Variants in RRP15 observed in about 807,000 individuals in gnomAD.
RRP15 encodes ribosomal RNA processing 15 homolog, also known as RRP15-like protein.
RRP15 carries 18 observed loss-of-function variants against 27.1 expected under a neutral mutation model. That is an observed-to-expected ratio of 0.66 (90% CI 0.46 to 0.98). The LOEUF is 0.98. Ranked by LOEUF, RRP15 falls within the 50% of genes least tolerant of loss-of-function variation. The pLI, the probability that RRP15 is intolerant of heterozygous loss-of-function variation, is 0.00. For synonymous variants in RRP15, 107 were observed against 109.4 expected (o/e 0.98, Z 0.14); for missense variants, 359 against 337.8 (o/e 1.06, Z -0.49).
intron 4 of RRP15, among the ~76,000 whole-genome samples, chr1:218,327,698 C>G (rs1321762991): frequency 6.6e-6 from 1 of 152,106 alleles, no homozygotes; most frequent in African/African-American, 2.4e-5. Context: ...TATAAATTTT[C>G]TATTGTGTCT....
At chr1:218,317,588 T>G (rs980264867) in intron 4 of RRP15, among the ~76,000 whole-genome samples, 4 of 152,166 alleles carry the variant, frequency 2.6e-5, no homozygotes, top group Non-Finnish European at 5.9e-5. Context: ...ACTTAGAAAA[T>G]TATTTATAAA....
At chr1:218,320,733 G>A (rs577535450) in intron 4 of RRP15, among the ~76,000 whole-genome samples, 5 of 150,994 alleles carry the variant, frequency 3.3e-5, no homozygotes, top group Non-Finnish European at 7.4e-5. Flanking sequence ...CTCAGGGGCC[G>A]TAAATGAAAT....
intron 3 of RRP15, among the ~76,000 whole-genome samples, chr1:218,306,839 A>G (rs2102501227): frequency 6.6e-6 from 1 of 152,320 alleles, no homozygotes; most frequent in Non-Finnish European, 1.5e-5. Context: ...ATGATATTTA[A>G]GGATTCTATT....
rs528057023 is a variant in RRP15, at chr1:218,311,066, T to A, written c.705+3434T>A. ...GCCCAGCCGAACAAGTCATTTTTCTTAGAGTCTTTTCTGCATTAGAATTTT... is the reference window on the plus strand; with the variant it reads ...GCCCAGCCGAACAAGTCATTTTTCTAAGAGTCTTTTCTGCATTAGAATTTT... On this transcript the variant is annotated intron_variant, in intron 4 of 4. Transcript: ENST00000366932. Among the ~76,000 whole-genome samples the A allele has an allele frequency of 3.5e-3, 535 of 152,270 alleles. 4 individuals carry two copies. The highest frequency in any genetic ancestry group is 6.0e-3 in the Non-Finnish European group (406 of 68,014).
intron 1 of RRP15, among the ~76,000 whole-genome samples, chr1:218,291,284 AT>A (rs1057362877): frequency 3.3e-5 from 5 of 151,892 alleles, no homozygotes; most frequent in African/African-American, 9.7e-5. Flanking sequence ...CAAAAAAAAA[AT>A]ATACAAAAAA....
chr1:218,308,535 A>G (rs1181662917), intron 4 of RRP15, among the ~76,000 whole-genome samples: 2 of 152,204 alleles, frequency 1.3e-5, no homozygotes, highest in African/African-American at 4.8e-5. Context: ...ATCAGTCAGG[A>G]AATGAGAATT....
intron 4 of RRP15, among the ~76,000 whole-genome samples, chr1:218,308,062 C>CTTTTTTTTTTTTTTTTTTTTT (rs56813511): frequency 3.0e-5 from 2 of 66,928 alleles, no homozygotes; most frequent in Non-Finnish European, 5.7e-5. Context: ...TTCTTTCTTT[C>CTTTTTTTTTTTTTTTTTTTTT]TTTTTTTTTT....
intron 4 of RRP15, among the ~76,000 whole-genome samples, chr1:218,327,238 T>C (rs1048397496): frequency 6.6e-5 from 10 of 152,234 alleles, no homozygotes; most frequent in African/African-American, 2.4e-4. Context: ...CTGCCTTTTT[T>C]CTTTCTACGT....
rs139737216 is a variant in RRP15 at position 218,305,888 on chromosome 1, G to A, written c.503+763G>A. Among the ~76,000 whole-genome samples the A allele has an allele frequency of 5.9e-5, 9 of 152,282 alleles. No homozygotes were observed. The East Asian group carries it at 7.7e-4, about 13-fold the overall frequency. On this transcript the variant is annotated intron_variant, in intron 3 of 4. Transcript: ENST00000366932. ...ATAGAGCCAGTGCTCGGTTCAAATCGTAGTACTGGCTCTTACTAGCAGTGT... is the reference window on the plus strand; with the variant it reads ...ATAGAGCCAGTGCTCGGTTCAAATCATAGTACTGGCTCTTACTAGCAGTGT...
At chr1:218,318,827 T>G (rs1656131444) in intron 4 of RRP15, among the ~76,000 whole-genome samples, 1 of 151,730 alleles carries the variant, frequency 6.6e-6, no homozygotes, top group Admixed American at 6.6e-5. Context: ...CAGGAGCAAG[T>G]GTACCTGTCT....
intron 1 of RRP15, among the ~76,000 whole-genome samples, chr1:218,291,693 G>A (rs937361301): frequency 9.9e-5 from 15 of 151,714 alleles, no homozygotes; most frequent in East Asian, 9.9e-4. Flanking sequence ...CACCACGCCC[G>A]GCTAATTTTT....
intron 4 of RRP15, among the ~76,000 whole-genome samples, chr1:218,314,395 A>G (rs1472415509): frequency 6.6e-6 from 1 of 152,040 alleles, no homozygotes; most frequent in Non-Finnish European, 1.5e-5. Flanking sequence ...CAAAGTTGTA[A>G]TTATTCCTTT....
rs1388515598 is a variant in RRP15, at chr1:218,308,232, C to T, written c.705+600C>T. 4.0e-5 allele frequency among the ~76,000 whole-genome samples: 6 copies of T among 151,422 alleles called. No individual in the cohort carries two copies. In the South Asian group the frequency reaches 8.4e-4, roughly 21 times the overall value. ...GTTTACAGGCACATGCCATCACCTC[C>T]GGCTAATTTTTGTATTTTTAGTAGA... On this transcript the variant is annotated intron_variant, in intron 4 of 4. Transcript: ENST00000366932.
At chr1:218,289,523 T>C (rs968557252) in intron 1 of RRP15, among the ~76,000 whole-genome samples, 21 of 152,370 alleles carry the variant, frequency 1.4e-4, no homozygotes, top group African/African-American at 5.0e-4. Flanking sequence ...ACATTTTCTT[T>C]GCCAAAGCTG....
chr1:218,310,324 G>A (rs544907218), intron 4 of RRP15, among the ~76,000 whole-genome samples: 60 of 151,748 alleles, frequency 4.0e-4, no homozygotes, highest in African/African-American at 1.5e-3. Context: ...AAAATTGGAG[G>A]CCACCCACAT....
chr1:218,334,267 T>A lies in RRP15; in HGVS notation c.*3176T>A, dbSNP rs1223451432. Reference sequence around the variant, plus strand: ...TATTCAATTGATTGCAAAATATACCTTGGAAACCCTTTGGATAGAACAGTT... The same window carrying A: ...TATTCAATTGATTGCAAAATATACCATGGAAACCCTTTGGATAGAACAGTT... On this transcript the variant is annotated 3_prime_UTR_variant, in exon 5 of 5. Transcript: ENST00000366932. 2.6e-5 allele frequency: 4 copies of A among 152,186 alleles called. No homozygotes were observed. Among genetic ancestry groups the A allele is most frequent in the African/African-American group, 9.7e-5 (4 of 41,450 alleles). 9.4% of individuals were successfully genotyped at this position (152,186 alleles called of 1,614,324 possible).
chr1:218,325,695 C>T (rs1317413910), intron 4 of RRP15, among the ~76,000 whole-genome samples: 5 of 152,060 alleles, frequency 3.3e-5, no homozygotes, highest in Admixed American at 3.3e-4. Context: ...CTCATTGTGT[C>T]CTGGACACTC....
rs115773938 is a variant in RRP15, at chr1:218,329,467, C to T, written c.706-1481C>T. On this transcript the variant is annotated intron_variant, in intron 4 of 4. Transcript: ENST00000366932. The stretch of plus-strand genomic sequence containing the variant: ...TAACAATCTAATAGAAGTAGAATTT[C>T]AGTTTTAAGAGTAGGTTTGATATTG... Among the ~76,000 whole-genome samples the T allele has an allele frequency of 4.9e-3, 743 of 151,952 alleles. 5 individuals are homozygous for T. Among genetic ancestry groups the T allele is most frequent in the African/African-American group, 0.016 (673 of 41,446 alleles).
rs1234402964 is a variant in RRP15, at chr1:218,333,001, CATG to C, written c.*1913_*1915del. 6.6e-6 allele frequency: 1 copy of C among 152,010 alleles called. No homozygotes were observed. The highest frequency in any genetic ancestry group is 2.4e-5 in the African/African-American group (1 of 41,412). 9.4% of individuals were successfully genotyped at this position (152,010 alleles called of 1,614,324 possible). On this transcript the variant is annotated 3_prime_UTR_variant, in exon 5 of 5. Transcript: ENST00000366932. ...GGAATTTTTCTGAATAGTACATTCA[CATG>C]ATAGATACGGATAAATACCTTATTT...
Sources: gnomAD v4.1 joint callset for allele counts (sites outside exome capture counted in the v4.1 genomes callset) on GRCh38, gnomAD v4.1.1 for gene constraint, MANE v1.5 for transcripts, NCBI Gene and HGNC (gene_info 2026-07-23, HGNC 2026-07-21) for gene names.